Variants in MATN4 observed in about 807,000 individuals in gnomAD.
MATN4 encodes the protein matrilin 4, also known as matrilin-4.
A neutral mutation model predicts 54.6 loss-of-function variants in MATN4; 40 were observed. That is an observed-to-expected ratio of 0.73 (90% confidence interval 0.57 to 0.95). MATN4 has a LOEUF of 0.95. Ranked by LOEUF, MATN4 falls within the 40% of genes least tolerant of loss-of-function variation. MATN4 has a pLI of 0.00. For synonymous variants in MATN4, 351 were observed against 345.3 expected, an observed-to-expected ratio of 1.02 and a Z score of -0.18; for missense variants, 810 against 819.1, an observed-to-expected ratio of 0.99 and a Z score of 0.13.
chr20:45,303,484 T>C (rs2145662973), intron 3 of MATN4: 1 of 716,302 alleles, frequency 1.4e-6, no homozygotes, highest in South Asian at 1.5e-5. Context: ...CTGGCAACCA[T>C]GTCCCCCCTC....
chr20:45,305,387 A>T (rs1318558438), intron 2 of MATN4, 123 bp downstream of exon 2: 2 of 675,932 alleles, frequency 3.0e-6, no homozygotes, highest in Non-Finnish European at 4.9e-6. Context: ...TGGGGAACTT[A>T]AACCCAGTCC....
At position 45,293,999 on chromosome 20, in the gene MATN4, T is replaced by A; in HGVS notation, c.1596A>T (p.Ala532=). Residue 532 remains alanine (A), a synonymous_variant, in exon 9 of 10, where the codon GCA becomes GCT. Coordinates refer to ENST00000372756, the MANE Select transcript of MATN4 (RefSeq NM_001393530.1). ...CGCATGGGCTCCGAAGCTCTGTCCCTGCGCTGATGCCCTCCTCTGCAAGCC... is the reference window on the plus strand; with the variant it reads ...CGCATGGGCTCCGAAGCTCTGTCCCAGCGCTGATGCCCTCCTCTGCAAGCC... The part of the protein sequence containing the change: ...GSICPEEGIS[A]GTELRSPCEC... 1 of 1,602,058 alleles carries A rather than the reference T, an allele frequency of 6.2e-7. No homozygotes were observed.
chr20:45,299,676 G>A, intron 6 of MATN4, among the ~76,000 whole-genome samples: 1 of 151,742 alleles, frequency 6.6e-6, no homozygotes, highest in Non-Finnish European at 1.5e-5. Context: ...TTAGGAGTTC[G>A]AGACCAGCCT....
intron 8 of MATN4, among the ~76,000 whole-genome samples, chr20:45,297,000 T>C (rs1985881047): frequency 1.3e-5 from 2 of 151,850 alleles, no homozygotes; most frequent in African/African-American, 4.8e-5. Flanking sequence ...CCAGCTAATT[T>C]TTGTATTTTT....
intron 1 of MATN4, among the ~76,000 whole-genome samples, 189 bp from the exon 2 acceptor site, chr20:45,305,805 C>CTTTTTTTTTTTTTTTTT (rs758735302): frequency 0.022 from 1,399 of 64,668 alleles, 493 homozygotes; most frequent in Non-Finnish European, 0.03. Context: ...ACAAGAGATT[C>CTTTTTTTTTTTTTTTTT]TTTTTTTTTT....
rs1403004166 is a variant in MATN4, at chr20:45,298,834, CT to C, written c.1013-252del. Among the ~76,000 whole-genome samples the C allele has an allele frequency of 6.6e-6, 1 of 152,154 alleles. No individual in the cohort carries two copies. On this transcript the variant is annotated intron_variant, in intron 6 of 9. Coordinates refer to ENST00000372756, the MANE Select transcript of MATN4 (RefSeq NM_001393530.1). The surrounding 1 kb of genome is among the most constrained non-coding windows in gnomAD (Gnocchi z 4.6). ...GAACAAACCACTCTGCTAAAAGCAT[CT>C]TTTTTTAACAACAATCATAGTAATG... is the stretch of plus-strand genomic sequence containing the variant.
chr20:45,299,585 C>T (rs993123137), intron 6 of MATN4, among the ~76,000 whole-genome samples: 2 of 152,076 alleles, frequency 1.3e-5, no homozygotes, highest in Non-Finnish European at 2.9e-5. Flanking sequence ...AGTAAAATTA[C>T]TGTCCTTGTA....
intron 2 of MATN4, among the ~76,000 whole-genome samples, chr20:45,305,070 G>A (rs1986508950): frequency 1.3e-5 from 2 of 152,308 alleles, no homozygotes. Flanking sequence ...AAAGCCTGCA[G>A]GGACCAGGCA....
intron 1 of MATN4, 40 bp from the exon 2 acceptor site, chr20:45,305,656 C>T: frequency 1.9e-6 from 2 of 1,076,728 alleles, no homozygotes; most frequent in South Asian, 2.7e-5. Flanking sequence ...ACAGTATTTA[C>T]AGAGCTCTTA....
At chr20:45,305,994 C>T (rs973789390) in intron 1 of MATN4, among the ~76,000 whole-genome samples, 6 of 151,070 alleles carry the variant, frequency 4.0e-5, no homozygotes, top group Admixed American at 6.6e-5. Flanking sequence ...TAGTAGAGAG[C>T]GGGTTTTGCC....
In MATN4 at chr20:45,298,301, A is replaced by G; in HGVS notation, c.1295T>C (p.Val432Ala). ...TMTGLALRHMVEHSFSEAQGA... is the reference protein window; with the variant it reads ...TMTGLALRHMAEHSFSEAQGA... ...CTGCGCCTCGGAGAAGCTGTGCTCC[A>G]CCATGTGCCGCAACGCCAGCCCTGT... Residue 432 changes from valine to alanine, a missense_variant, in exon 7 of 10, where the codon GTG (valine) becomes GCG (alanine). Transcript: ENST00000372756. The surrounding 1 kb of genome is among the most constrained non-coding windows in gnomAD (Gnocchi z 4.6). The G allele has an allele frequency of 6.2e-7, 1 of 1,613,400 alleles. No individual in the cohort carries two copies. Among genetic ancestry groups the G allele is most frequent in the Middle Eastern group, 1.7e-4 (1 of 6,058 alleles).
At position 45,308,287 on chromosome 20, in the gene MATN4, C is replaced by A; in HGVS notation, c.-147G>T. ...CGTGGCAGCGTGCCCTAGGTGGGGA[C>A]TGCCAGGCAGCTGGAGCACACAGAG... On this transcript the variant is annotated 5_prime_UTR_variant, in exon 1 of 10. Transcript: ENST00000372756. 1 of 1,411,878 alleles carries A rather than the reference C, an allele frequency of 7.1e-7. No individual in the cohort carries two copies. The highest frequency in any genetic ancestry group is 1.0e-6 in the Non-Finnish European group (1 of 996,994). 87.5% of individuals were successfully genotyped at this position (1,411,878 alleles called of 1,614,324 possible).
intron 1 of MATN4, chr20:45,306,784 G>A (rs934987684): frequency 4.8e-6 from 3 of 626,604 alleles, no homozygotes; most frequent in Non-Finnish European, 7.1e-6. Context: ...GCCGGGGCCC[G>A]GGGCCTTGGA....
At chr20:45,302,836 G>A (rs2743292) in intron 3 of MATN4, among the ~76,000 whole-genome samples, 73,469 of 151,538 alleles carry the variant, frequency 0.48, 18,275 homozygotes, top group African/African-American at 0.54. Context: ...TAATCCCAGC[G>A]CTTTGGGAGG....
chr20:45,297,821 G>T, intron 8 of MATN4, 97 bp downstream of exon 8: 2 of 1,479,532 alleles, frequency 1.4e-6, no homozygotes, highest in Non-Finnish European at 1.9e-6. Flanking sequence ...CCAACCTCTG[G>T]CTATAACTAC....
At chr20:45,295,734 AT>A (rs966970324) in intron 8 of MATN4, among the ~76,000 whole-genome samples, 1 of 152,152 alleles carries the variant, frequency 6.6e-6, no homozygotes, top group African/African-American at 2.4e-5. Context: ...GTGTGACCTA[AT>A]TTTTAGGAAC....
At position 45,293,568 on chromosome 20, in the gene MATN4, T is replaced by A; in HGVS notation, c.*199A>T. 18 of 542,568 alleles carry A rather than the reference T, an allele frequency of 3.3e-5. 1 individual carries two copies. In the South Asian group the frequency reaches 4.4e-4, roughly 13 times the overall value. The allele number at this position is 542,568 out of a possible 1,614,324, so 33.6% of individuals were successfully genotyped here. A position where few individuals can be genotyped will look rare whatever the true frequency, so the allele number is the denominator to read the frequency against. On this transcript the variant is annotated 3_prime_UTR_variant, in exon 10 of 10. Coordinates refer to ENST00000372756, the MANE Select transcript of MATN4 (RefSeq NM_001393530.1). ...ACGTGCCCCTTCCCTCACCACCCGC[T>A]ATCCCCCTGACGCCGCAGTCCGCCT... is the stretch of plus-strand genomic sequence containing the variant.
In MATN4 at chr20:45,307,305, G is replaced by A. The variant is rs145605921; in HGVS notation, c.-35+870C>T. Among the ~76,000 whole-genome samples the A allele has an allele frequency of 5.3e-5, 8 of 152,280 alleles. 1 individual carries two copies. Among genetic ancestry groups the A allele is most frequent in the African/African-American group, 1.9e-4 (8 of 41,560 alleles). ...AATTCCGTGAATGCGCCTATTCTGA[G>A]CGAGGCCAGTGCCTGCTTCTCACTC... is the stretch of plus-strand genomic sequence containing the variant. On this transcript the variant is annotated intron_variant, in intron 1 of 9. Coordinates refer to ENST00000372756, the MANE Select transcript of MATN4 (RefSeq NM_001393530.1).
upstream of MATN4, chr20:45,308,498 CG>C: frequency 1.9e-6 from 1 of 528,434 alleles, no homozygotes; most frequent in Non-Finnish European, 3.4e-6. Flanking sequence ...TCAGCTACAG[CG>C]GGAGACTGGG....
Sources: gnomAD v4.1 joint callset for allele counts (sites outside exome capture counted in the v4.1 genomes callset) on GRCh38, gnomAD v4.1.1 for gene constraint, Gnocchi (gnomAD v3.1) non-coding constraint, MANE v1.5 for transcripts, NCBI Gene and HGNC (gene_info 2026-07-23, HGNC 2026-07-21) for gene names.